Variants in RAB3IL1 observed in about 807,000 individuals in gnomAD.
RAB3IL1 encodes guanine nucleotide exchange factor for Rab-3A.
Under a neutral mutation model 49.2 loss-of-function variants are expected in RAB3IL1, and 37 were observed. That is an observed-to-expected ratio of 0.75 (90% CI 0.58 to 0.99). The LOEUF is 0.99. Ranked by LOEUF, RAB3IL1 falls within the 50% of genes least tolerant of loss-of-function variation. The pLI is 0.00. For missense variants in RAB3IL1, 484 were observed against 513.0 expected (o/e 0.94, Z 0.55); for synonymous variants, 193 against 213.9 (o/e 0.90, Z 0.85).
upstream of RAB3IL1, among the ~76,000 whole-genome samples, chr11:61,923,072 C>A (rs741888): frequency 6.6e-6 from 1 of 152,034 alleles, no homozygotes. Context: ...GCCTCTTGGC[C>A]GGGGGCGGGA....
At chr11:61,900,498 G>A (rs975730158) in intron 8 of RAB3IL1, among the ~76,000 whole-genome samples, 7 of 152,178 alleles carry the variant, frequency 4.6e-5, no homozygotes, top group Admixed American at 3.9e-4. Context: ...GGCGAGGTCG[G>A]GGGACCAGCC....
upstream of RAB3IL1, among the ~76,000 whole-genome samples, chr11:61,924,698 G>A (rs559667509): frequency 2.0e-5 from 3 of 152,334 alleles, no homozygotes; most frequent in Non-Finnish European, 2.9e-5. Context: ...TGCTGATGGT[G>A]AGGGCCGGGA....
intron 1 of RAB3IL1, among the ~76,000 whole-genome samples, chr11:61,911,298 CCAAAGGTGG>C (rs1939443656): frequency 6.6e-6 from 1 of 152,194 alleles, no homozygotes; most frequent in South Asian, 2.1e-4. Context: ...CTCCCCAACG[CCAAAGGTGG>C]CAGGAGCAGG....
At chr11:61,942,374 T>G in the RAB3IL1 span, among the ~76,000 whole-genome samples, 6,716 of 152,178 alleles carry the variant, frequency 0.044, 478 homozygotes, top group South Asian at 0.36. Flanking sequence ...GTTCACTTGT[T>G]TATCTGCTGA....
At chr11:61,934,489 T>TAC in the RAB3IL1 span, among the ~76,000 whole-genome samples, 30 of 129,884 alleles carry the variant, frequency 2.3e-4, no homozygotes, top group African/African-American at 8.7e-4. Context: ...TATATATATA[T>TAC]ATATATTCTA....
At chr11:61,926,104 CAAAAAAA>C in the RAB3IL1 span, among the ~76,000 whole-genome samples, 24 of 64,066 alleles carry the variant, frequency 3.7e-4, no homozygotes, top group South Asian at 4.1e-3. Flanking sequence ...TCCTTCCTGC[CAAAAAAA>C]AAAAAAAAAA....
chr11:61,940,412 G>C, the RAB3IL1 span, among the ~76,000 whole-genome samples: 1 of 151,296 alleles, frequency 6.6e-6, no homozygotes, highest in African/African-American at 2.4e-5. Flanking sequence ...TTGCATTCCA[G>C]CCTGGGCAAC....
chr11:61,945,339 A>C, the RAB3IL1 span, among the ~76,000 whole-genome samples: 1 of 152,134 alleles, frequency 6.6e-6, no homozygotes, highest in African/African-American at 2.4e-5. Context: ...TGTTTCTACT[A>C]TTCTTTCCCT....
intron 1 of RAB3IL1, among the ~76,000 whole-genome samples, chr11:61,913,856 A>T (rs973252365): frequency 6.6e-6 from 1 of 152,102 alleles, no homozygotes; most frequent in Non-Finnish European, 1.5e-5. Flanking sequence ...CCAAAGACCT[A>T]TTGGGCATAA....
chr11:61,916,890 G>A (rs1324355863), intron 1 of RAB3IL1, among the ~76,000 whole-genome samples: 1 of 152,000 alleles, frequency 6.6e-6, no homozygotes, highest in Non-Finnish European at 1.5e-5. Flanking sequence ...TACTTCCAGA[G>A]CCCCACAAGG....
intron 7 of RAB3IL1, 97 bp from the exon 8 acceptor site, chr11:61,902,638 T>C: frequency 8.8e-7 from 1 of 1,138,596 alleles, no homozygotes; most frequent in South Asian, 1.4e-5. Flanking sequence ...AGAGGATGCA[T>C]GGGGAGGGGC....
intron 1 of RAB3IL1, among the ~76,000 whole-genome samples, chr11:61,915,625 G>C (rs898286810): frequency 6.6e-6 from 1 of 152,152 alleles, no homozygotes; most frequent in African/African-American, 2.4e-5. Flanking sequence ...GGGCAGGACT[G>C]CCCTAACCTC....
At chr11:61,905,835 G>A (rs1267208422) in intron 5 of RAB3IL1, among the ~76,000 whole-genome samples, 8 of 152,168 alleles carry the variant, frequency 5.3e-5, no homozygotes, top group African/African-American at 1.4e-4. Context: ...CAGCAGCCCC[G>A]GGAGGCCCCA....
chr11:61,939,939 C>T, the RAB3IL1 span, among the ~76,000 whole-genome samples: 1 of 146,716 alleles, frequency 6.8e-6, no homozygotes, highest in African/African-American at 2.5e-5. Context: ...GCCTGGGCAA[C>T]AGGGTGAGAC....
chr11:61,942,453 A>G, the RAB3IL1 span, among the ~76,000 whole-genome samples: 3 of 145,812 alleles, frequency 2.1e-5, no homozygotes. Flanking sequence ...AGAATTATCA[A>G]TAAAAAAATA....
Position 61,898,436 on chromosome 11 carries a change from T to A in RAB3IL1, c.1067-76A>T. The A allele has an allele frequency of 7.6e-7, 1 of 1,322,284 alleles. No individual in the cohort carries two copies. Among genetic ancestry groups the A allele is most frequent in the Non-Finnish European group, 1.1e-6 (1 of 923,410 alleles). The allele number at this position is 1,322,284 out of a possible 1,614,324, so 81.9% of individuals were successfully genotyped here. On this transcript the variant is annotated intron_variant, in intron 9 of 9. Coordinates refer to ENST00000394836, the MANE Select transcript of RAB3IL1 (RefSeq NM_013401.4). This position sits in a 1 kb window ranked among gnomAD's most constrained non-coding sequence, Gnocchi z 5.1. ...GGGCAGATGGCCAGGTCCCCTCCTG[T>A]GGCTTTGGACAGAGCAGCTGGCACA...
intron 8 of RAB3IL1, among the ~76,000 whole-genome samples, 162 bp downstream of exon 8, chr11:61,902,280 T>C (rs1252734307): frequency 6.6e-6 from 1 of 152,238 alleles, no homozygotes; most frequent in African/African-American, 2.4e-5. Flanking sequence ...ATTGTGCCAC[T>C]GCACTCCAGC....
intron 7 of RAB3IL1, among the ~76,000 whole-genome samples, chr11:61,904,318 G>C (rs1939063859): frequency 6.6e-6 from 1 of 152,146 alleles, no homozygotes; most frequent in African/African-American, 2.4e-5. Context: ...AAGAAGGGGA[G>C]GGCACAGAGC....
chr11:61,919,195 G>A (rs991713501), upstream of RAB3IL1, among the ~76,000 whole-genome samples: 2 of 152,226 alleles, frequency 1.3e-5, no homozygotes, highest in Non-Finnish European at 2.9e-5. Context: ...AGACCAGTGG[G>A]AGATAAAGGG....
Sources: gnomAD v4.1 joint callset for allele counts (sites outside exome capture counted in the v4.1 genomes callset) on GRCh38, gnomAD v4.1.1 for gene constraint, Gnocchi (gnomAD v3.1) non-coding constraint, MANE v1.5 for transcripts, NCBI Gene and HGNC (gene_info 2026-07-23, HGNC 2026-07-21) for gene names.